The following MELTF variants were observed in gnomAD, a reference collection of about 807,000 sequenced individuals.
MELTF encodes the protein melanotransferrin, also known as antigen p97 (melanoma associated) identified by monoclonal antibodies 133.2 and 96.5.
A neutral mutation model predicts 83.7 loss-of-function variants in MELTF; 67 were observed. The observed-to-expected ratio is 0.80, with a 90% CI of 0.66 to 0.98. The LOEUF (loss-of-function observed/expected upper bound fraction) is 0.98, where lower values mean the gene tolerates loss of function less well. Ranked by LOEUF, MELTF falls within the 50% of genes least tolerant of loss-of-function variation. MELTF has a pLI of 0.00. For missense variants in MELTF, 1,002 were observed against 1,035.6 expected (o/e 0.97, Z 0.44); for synonymous variants, 462 against 447.6 (o/e 1.03, Z -0.41).
intron 4 of MELTF, among the ~76,000 whole-genome samples, chr3:197,023,533 C>T (rs1246148387): frequency 3.9e-5 from 6 of 152,312 alleles, no homozygotes; most frequent in East Asian, 1.9e-4. Flanking sequence ...GGCACACGCC[C>T]GGCGGCCAGC....
rs375237562 is a variant in MELTF at position 197,017,283 on chromosome 3, C to T, written c.720G>A (p.Thr240=). The T allele has an allele frequency of 7.1e-5, 110 of 1,548,750 alleles. No homozygotes were observed. Among genetic ancestry groups the T allele is most frequent in the African/African-American group, 4.9e-4 (36 of 73,720 alleles). The change falls in exon 7 of 16, where the codon ACG becomes ACA. Residue 240 remains threonine, a synonymous_variant. Coordinates refer to ENST00000296350, the MANE Select transcript of MELTF (RefSeq NM_005929.6). ...GCAGGGCCTGGCCCCAGGAGGGAAG[C>T]GTCTTCCCTGGGAAGCAGGAAGCCT... ...STVLENTDGK[T]LPSWGQALLS...
chr3:197,015,996 C>G (rs932000018), intron 8 of MELTF, among the ~76,000 whole-genome samples, 193 bp downstream of exon 8: 5 of 152,106 alleles, frequency 3.3e-5, no homozygotes, highest in African/African-American at 1.2e-4. Context: ...GTGGGGCTTC[C>G]GAGGTACAAC....
At chr3:197,028,196 T>G in intron 1 of MELTF, 1 of 371,014 alleles carries the variant, frequency 2.7e-6, no homozygotes, top group Non-Finnish European at 5.0e-6. Context: ...GCTTCTCAGC[T>G]ACCCCCACCT....
intron 6 of MELTF, among the ~76,000 whole-genome samples, chr3:197,020,694 G>A (rs968956714): frequency 2.0e-5 from 3 of 151,842 alleles, no homozygotes; most frequent in African/African-American, 7.3e-5. Context: ...TTTTTAGACA[G>A]AGTCTCGCTC....
rs905809034 is a variant in MELTF at position 197,029,728 on chromosome 3, G to A, written c.-26C>T. On this transcript the variant is annotated 5_prime_UTR_variant, in exon 1 of 16. Transcript: ENST00000296350. This position sits in a 1 kb window ranked among gnomAD's most constrained non-coding sequence, Gnocchi z 6.5. ...GGCGCCGTCGGGGCTGGCTGGGGCC[G>A]GGCTGGGGCTGGGTCCGGGTCCGAG... is the stretch of plus-strand genomic sequence containing the variant. 1.6e-6 allele frequency: 2 copies of A among 1,229,266 alleles called. No individual in the cohort carries two copies. The highest frequency in any genetic ancestry group is 3.2e-5 in the East Asian group (1 of 31,724). The allele number at this position is 1,229,266 out of a possible 1,614,324, so 76.1% of individuals were successfully genotyped here.
chr3:197,016,909 C>T (rs1003826322), intron 7 of MELTF, among the ~76,000 whole-genome samples, 194 bp downstream of exon 7: 2 of 152,198 alleles, frequency 1.3e-5, no homozygotes, highest in Non-Finnish European at 2.9e-5. Context: ...CTCCTCTGGG[C>T]CCCCCTCTCC....
Position 197,015,462 on chromosome 3 carries a change from C to T in MELTF, c.1136G>A (p.Cys379Tyr), listed in dbSNP as rs148687173. Residue 379 changes from cysteine (C) to tyrosine (Y), a missense_variant, in exon 9 of 16, where the codon TGT becomes TAT. Physicochemically the swap from Cys to Tyr is radical, Grantham distance 194. Coordinates refer to ENST00000296350, the MANE Select transcript of MELTF (RefSeq NM_005929.6). ...GCGGAAGGCCACGGCCATGTCTCCA[C>T]ACTTCTGGATCTCGGGAGTGGAGAG... is the stretch of plus-strand genomic sequence containing the variant. ...CVLSTPEIQK[C>Y]GDMAVAFRRQ... 9.9e-6 allele frequency: 16 copies of T among 1,610,986 alleles called. No individual in the cohort carries two copies. Among genetic ancestry groups the T allele is most frequent in the Non-Finnish European group, 1.4e-5 (16 of 1,179,022 alleles).
Position 197,009,602 on chromosome 3 carries a change from A to C in MELTF, c.1525+16T>G. On this transcript the variant is annotated intron_variant, in intron 11 of 15. Coordinates refer to ENST00000296350, the MANE Select transcript of MELTF (RefSeq NM_005929.6). ...GAAGGCTTCCCCAGTCTGCGTTCCTAAAAAGGGGGGGGTACCTGTGAGGAC... is the reference window on the plus strand; with the variant it reads ...GAAGGCTTCCCCAGTCTGCGTTCCTCAAAAGGGGGGGGTACCTGTGAGGAC... The C allele has an allele frequency of 6.3e-7, 1 of 1,590,466 alleles. No individual in the cohort carries two copies.
At chr3:197,025,060 A>G (rs1343845053) in intron 3 of MELTF, among the ~76,000 whole-genome samples, 1 of 152,232 alleles carries the variant, frequency 6.6e-6, no homozygotes, top group Non-Finnish European at 1.5e-5. Context: ...TGAATGCTGC[A>G]GGGTGTGTGT....
rs192578734 is a variant in MELTF, at chr3:197,018,347, T to C, written c.713-1057A>G. Among the ~76,000 whole-genome samples, 11 of 151,996 alleles carry C rather than the reference T, an allele frequency of 7.2e-5. No individual in the cohort carries two copies. The East Asian group carries it at 1.7e-3, about 24-fold the overall frequency. ...TATTTTTTTTTATTAGAGATGGGGT[T>C]TTACTGTGTTAGCCAGGATGGTCTT... On this transcript the variant is annotated intron_variant, in intron 6 of 15. Transcript: ENST00000296350.
chr3:197,019,913 T>G, intron 6 of MELTF: 2 of 1,405,194 alleles, frequency 1.4e-6, no homozygotes, highest in Non-Finnish European at 1.9e-6. Flanking sequence ...ACGGTGTGTT[T>G]GCTGCTTGCT....
rs1472672250 is a variant in MELTF at position 197,009,745 on chromosome 3, G to A, written c.1398C>T (p.Thr466=). ...AGCGCTTGCCCCGAAGCTCATCCAA[G>A]GTGAAGGCGTGGGAGCTGTCCCGTC... ...VVRRDSSHAF[T]LDELRGKRSC... Residue 466 remains threonine, a synonymous_variant, in exon 11 of 16, where the codon ACC becomes ACT. Coordinates refer to ENST00000296350, the MANE Select transcript of MELTF (RefSeq NM_005929.6). 1 of 1,613,580 alleles carries A rather than the reference G, an allele frequency of 6.2e-7. No individual in the cohort carries two copies. The highest frequency in any genetic ancestry group is 8.5e-7 in the Non-Finnish European group (1 of 1,180,028).
At position 197,024,327 on chromosome 3, in the gene MELTF, C is replaced by T; in HGVS notation, c.463G>A (p.Val155Met). Residue 155 changes from valine (V) to methionine (M), a missense_variant, in exon 4 of 16, where the codon GTG becomes ATG. Physicochemically the swap from Val to Met is conservative, Grantham distance 21. Transcript: ENST00000296350. The surrounding 1 kb of genome is among the most constrained non-coding windows in gnomAD (Gnocchi z 5.3). Reference sequence around the variant, plus strand: ...CCTTTGAGTACATCGCAGCCCATCACCGAGAGGCGGCCGCTCTCCACCAGG... The same window carrying T: ...CCTTTGAGTACATCGCAGCCCATCATCGAGAGGCGGCCGCTCTCCACCAGG... ...GYLVESGRLSVMGCDVLKAVS... is the reference protein window; with the variant it reads ...GYLVESGRLSMMGCDVLKAVS... The T allele has an allele frequency of 6.3e-7, 1 of 1,584,818 alleles. No individual in the cohort carries two copies. Among genetic ancestry groups the T allele is most frequent in the East Asian group, 2.3e-5 (1 of 44,282 alleles).
chr3:197,008,531 C>G lies in MELTF; in HGVS notation c.1750+126G>C. 9.2e-7 allele frequency: 1 copy of G among 1,081,404 alleles called. No individual in the cohort carries two copies. The highest frequency in any genetic ancestry group is 1.3e-6 in the Non-Finnish European group (1 of 751,154). The allele number at this position is 1,081,404 out of a possible 1,614,324, so 67.0% of individuals were successfully genotyped here. A position where few individuals can be genotyped will look rare whatever the true frequency, so the allele number is the denominator to read the frequency against. On this transcript the variant is annotated intron_variant, in intron 13 of 15. Transcript: ENST00000296350. This position sits in a 1 kb window ranked among gnomAD's most constrained non-coding sequence, Gnocchi z 5.4. ...GGGGCTCCCAGCTTCCCAGGGGGCA[C>G]AGCCTTCTAGACTCAGCCTCTCTGA...
At chr3:197,025,063 G>C (rs570033495) in intron 3 of MELTF, among the ~76,000 whole-genome samples, 48 of 152,362 alleles carry the variant, frequency 3.2e-4, no homozygotes, top group African/African-American at 1.1e-3. Context: ...ATGCTGCAGG[G>C]TGTGTGTGGT....
At chr3:197,010,604 G>T (rs1261079084) in intron 10 of MELTF, 94 bp downstream of exon 10, 8 of 1,060,932 alleles carry the variant, frequency 7.5e-6, no homozygotes, top group Non-Finnish European at 1.1e-5. Context: ...GAGAGGCATG[G>T]AGCTTTTGAA....
intron 9 of MELTF, among the ~76,000 whole-genome samples, chr3:197,014,411 C>T (rs1433863047): frequency 5.3e-5 from 5 of 94,356 alleles, no homozygotes; most frequent in African/African-American, 2.5e-4. Context: ...TTTTTTGAGA[C>T]AGTCTCTCTC....
At chr3:197,004,321 C>T (rs1718899806) in intron 14 of MELTF, 1 of 575,826 alleles carries the variant, frequency 1.7e-6, no homozygotes, top group Non-Finnish European at 3.1e-6. Context: ...CTGGAAGAGG[C>T]GTTCAGAAGC....
intron 14 of MELTF, among the ~76,000 whole-genome samples, chr3:197,005,308 A>T (rs1718937186): frequency 6.6e-6 from 1 of 152,228 alleles, no homozygotes; most frequent in African/African-American, 2.4e-5. Context: ...TGAAGTGGGG[A>T]AGACTGAAGG....
Sources: allele counts gnomAD v4.1 joint callset (sites outside exome capture counted in the v4.1 genomes callset), GRCh38; gene constraint gnomAD v4.1.1; non-coding constraint Gnocchi (gnomAD v3.1); transcripts MANE v1.5; gene names NCBI Gene and HGNC (gene_info 2026-07-23, HGNC 2026-07-21).